Variants in TENM1 observed in about 807,000 individuals in gnomAD.
TENM1 encodes teneurin transmembrane protein 1.
Under a neutral mutation model 174.8 loss-of-function variants are expected in TENM1, and 35 were observed. The observed-to-expected ratio is 0.20, with a 90% confidence interval of 0.15 to 0.27. The LOEUF (loss-of-function observed/expected upper bound fraction) is 0.27. Ranked by LOEUF, TENM1 falls within the 10% of genes least tolerant of loss-of-function variation. TENM1 has a pLI of 1.00. For synonymous variants in TENM1, 781 were observed against 798.7 expected, an observed-to-expected ratio of 0.98 and a Z score of 0.37; for missense variants, 1,633 against 2,130.1, an observed-to-expected ratio of 0.77 and a Z score of 4.59.
chrX:124,406,276 T>C (rs2060460978), intron 26 of TENM1, 41 bp downstream of exon 29: 1 of 1,082,433 alleles, frequency 9.2e-7, no homozygotes, highest in Non-Finnish European at 1.3e-6. Context: ...GATGTTGACA[T>C]AGGGGCTGTT....
the TENM1 span, among the ~76,000 whole-genome samples, chrX:125,085,841 T>C: frequency 2.7e-5 from 3 of 111,281 alleles, no homozygotes; most frequent in Non-Finnish European, 5.7e-5. Flanking sequence ...GGAAAAATTA[T>C]TGGTTGCTGT....
the TENM1 span, among the ~76,000 whole-genome samples, chrX:125,190,544 G>T: frequency 2.7e-5 from 3 of 111,433 alleles, no homozygotes; most frequent in Non-Finnish European, 5.7e-5. Flanking sequence ...GACCAGATTG[G>T]ATCAGTGGAT....
At chrX:124,613,139 A>G (rs1235474297) in intron 11 of TENM1, among the ~76,000 whole-genome samples, 1 of 111,669 alleles carries the variant, frequency 9.0e-6, no homozygotes, top group Non-Finnish European at 1.9e-5. Context: ...CTATAGAAAG[A>G]TGCTTCCTTC....
chrX:124,753,972 A>C (rs144153532), intron 3 of TENM1, among the ~76,000 whole-genome samples: 17,685 of 110,832 alleles, frequency 0.16, 1,817 homozygotes, highest in African/African-American at 0.37. Flanking sequence ...TGTCTCTGCC[A>C]GGCTTTGGTA....
chrX:124,605,832 G>T (rs997407177), intron 11 of TENM1, among the ~76,000 whole-genome samples: 1 of 111,526 alleles, frequency 9.0e-6, no homozygotes, highest in African/African-American at 3.2e-5. Flanking sequence ...ACATATTTTT[G>T]TCATCATATA....
chrX:124,553,636 A>C (rs1303042781), intron 14 of TENM1, among the ~76,000 whole-genome samples: 3 of 109,845 alleles, frequency 2.7e-5, no homozygotes, highest in Non-Finnish European at 3.8e-5. Flanking sequence ...AAAAAAAAAA[A>C]AAAAAAAACA....
At chrX:124,563,068 T>G (rs940242084) in intron 13 of TENM1, among the ~76,000 whole-genome samples, 2 of 111,239 alleles carry the variant, frequency 1.8e-5, no homozygotes, top group African/African-American at 6.5e-5. Context: ...CATACATAGG[T>G]TTGAGAAGGG....
At chrX:124,531,714 C>T (rs2048111078) in intron 15 of TENM1, among the ~76,000 whole-genome samples, 1 of 111,880 alleles carries the variant, frequency 8.9e-6, no homozygotes, top group Admixed American at 9.5e-5. Flanking sequence ...ACTTGCTTCG[C>T]CATGTTTGAT....
chrX:124,619,827 G>T (rs1284794741), intron 11 of TENM1, among the ~76,000 whole-genome samples: 1 of 111,821 alleles, frequency 8.9e-6, no homozygotes, highest in Non-Finnish European at 1.9e-5. Context: ...ACAGATTTCA[G>T]AATGGCTCAT....
intron 3 of TENM1, among the ~76,000 whole-genome samples, chrX:124,817,640 C>T (rs1349545053): frequency 8.9e-6 from 1 of 111,770 alleles, no homozygotes; most frequent in Non-Finnish European, 1.9e-5. Context: ...CCAAATTACA[C>T]AGCAGTTAAA....
intron 3 of TENM1, among the ~76,000 whole-genome samples, chrX:124,826,690 T>A (rs2056169170): frequency 8.9e-6 from 1 of 111,770 alleles, no homozygotes; most frequent in Middle Eastern, 4.6e-3. Context: ...TGTGACAGAA[T>A]AGTTTCCCCC....
intron 1 of TENM1, among the ~76,000 whole-genome samples, chrX:124,942,068 T>C (rs1302586841): frequency 1.8e-5 from 2 of 111,585 alleles, no homozygotes; most frequent in African/African-American, 3.3e-5. Flanking sequence ...ATGTAGAAAT[T>C]ATGGGAGCTA....
At chrX:124,410,596 G>A (rs890126132) in intron 25 of TENM1, among the ~76,000 whole-genome samples, 1 of 111,373 alleles carries the variant, frequency 9.0e-6, no homozygotes, top group Non-Finnish European at 1.9e-5. Context: ...CCTACAGAAC[G>A]GGAGAAAATT....
At chrX:124,575,855 C>T (rs946500618) in intron 11 of TENM1, among the ~76,000 whole-genome samples, 3 of 111,881 alleles carry the variant, frequency 2.7e-5, no homozygotes, top group African/African-American at 9.7e-5. Flanking sequence ...GAAGCTCAAA[C>T]TATTGAAGAT....
the TENM1 span, among the ~76,000 whole-genome samples, chrX:125,042,506 T>C: frequency 2.7e-5 from 3 of 111,138 alleles, no homozygotes; most frequent in Non-Finnish European, 3.8e-5. Flanking sequence ...ATCTTCCCCT[T>C]AAGATAGCTC....
chrX:124,834,202 T>TGCTC (rs1397330610), intron 3 of TENM1, among the ~76,000 whole-genome samples: 6 of 111,746 alleles, frequency 5.4e-5, no homozygotes, highest in Non-Finnish European at 9.4e-5. Context: ...TGAGATGGAG[T>TGCTC]GCTCTGTTGC....
intron 23 of TENM1, among the ~76,000 whole-genome samples, chrX:124,433,174 G>T (rs868232578): frequency 1.2e-4 from 13 of 112,224 alleles, no homozygotes; most frequent in African/African-American, 3.9e-4. Context: ...TCACGGGGAA[G>T]ACAGTGCTCT....
At position 124,732,919 on chromosome X, in the gene TENM1, G is replaced by A. The variant is rs146555446; in HGVS notation, c.776+4038C>T. The stretch of plus-strand genomic sequence containing the variant: ...CTTTGGGGATTGACCAGAGTTTCCC[G>A]CGTTCCCGGGGACTGACAACACATA... On this transcript the variant is annotated intron_variant, in intron 4 of 31. Transcript: ENST00000422452. Among the ~76,000 whole-genome samples the A allele has an allele frequency of 5.2e-3, 579 of 111,807 alleles. 2 individuals carry two copies. The highest frequency in any genetic ancestry group is 7.9e-3 in the Admixed American group (83 of 10,560).
At chrX:124,779,963 T>C (rs1003878947) in intron 3 of TENM1, among the ~76,000 whole-genome samples, 6 of 111,924 alleles carry the variant, frequency 5.4e-5, no homozygotes, top group Admixed American at 3.8e-4. Flanking sequence ...CACAATCCCA[T>C]ACTTTTATTT....
Sources: gnomAD v4.1 joint callset for allele counts (sites outside exome capture counted in the v4.1 genomes callset) on GRCh38, gnomAD v4.1.1 for gene constraint, MANE v1.5 for transcripts, NCBI Gene and HGNC (gene_info 2026-07-23, HGNC 2026-07-21) for gene names.